DSG4: variants seen among roughly 807,000 people sequenced by gnomAD.
DSG4 encodes desmoglein-4.
DSG4 carries 87 observed loss-of-function variants against 93.1 expected under a neutral mutation model. The observed-to-expected ratio is 0.93, with a 90% confidence interval of 0.79 to 1.12. The LOEUF is 1.12. Among genes scored for constraint, DSG4 ranks in the 50% most tolerant of loss-of-function variants. DSG4 has a pLI of 0.00. For synonymous variants in DSG4, 432 were observed against 452.9 expected, an observed-to-expected ratio of 0.95 and a Z score of 0.59; for missense variants, 1,373 against 1,285.7, an observed-to-expected ratio of 1.07 and a Z score of -1.04.
intron 8 of DSG4, among the ~76,000 whole-genome samples, chr18:31,396,338 G>A (rs1052142741): frequency 1.5e-5 from 2 of 131,334 alleles, no homozygotes; most frequent in Non-Finnish European, 3.2e-5. Flanking sequence ...ACTCTCGGAA[G>A]AAAATAGGGT....
At chr18:31,390,299 A>G (rs2072233391) in intron 5 of DSG4, among the ~76,000 whole-genome samples, 1 of 152,294 alleles carries the variant, frequency 6.6e-6, no homozygotes, top group Admixed American at 6.5e-5. Flanking sequence ...TTTTTAAATG[A>G]TTTCACAAGA....
intron 14 of DSG4, 46 bp from the exon 15 acceptor site, chr18:31,411,185 C>T: frequency 1.2e-6 from 2 of 1,614,258 alleles, no homozygotes; most frequent in Non-Finnish European, 1.7e-6. Flanking sequence ...CAGATGCGCG[C>T]TGCAGGCAAC....
intron 11 of DSG4, 74 bp from the exon 12 acceptor site, chr18:31,406,003 T>A: frequency 6.4e-7 from 1 of 1,556,490 alleles, no homozygotes; most frequent in Non-Finnish European, 8.8e-7. Flanking sequence ...TATTTGGTAT[T>A]AGGGAGAGTT....
Position 31,390,961 on chromosome 18 carries a change from A to G in DSG4, c.685-117A>G, listed in dbSNP as rs1318392497. 5 of 1,509,822 alleles carry G rather than the reference A, an allele frequency of 3.3e-6. No individual in the cohort carries two copies. In the East Asian group the frequency reaches 9.8e-5, roughly 30 times the overall value. 93.5% of individuals were successfully genotyped at this position (1,509,822 alleles called of 1,614,324 possible). A position where few individuals can be genotyped will look rare whatever the true frequency, so the allele number is the denominator to read the frequency against. On this transcript the variant is annotated intron_variant, in intron 6 of 15. Transcript: ENST00000308128. ...ATTTTTAATAAAAATTAAAAGCTCA[A>G]TTATATAAATTTCATTGGATATGTA... is the stretch of plus-strand genomic sequence containing the variant.
intron 9 of DSG4, among the ~76,000 whole-genome samples, chr18:31,399,882 A>T (rs2072346626): frequency 1.3e-5 from 2 of 152,184 alleles, no homozygotes; most frequent in Non-Finnish European, 2.9e-5. Flanking sequence ...GTGGGCAATA[A>T]GTCACCATAA....
In DSG4 at chr18:31,409,566, T is replaced by C. The variant is rs757837115; in HGVS notation, c.2048T>C (p.Ile683Thr). Residue 683 changes from isoleucine (I) to threonine (T), a missense_variant, in exon 13 of 16, where the codon ATT becomes ACT. Ile to Thr is a moderately conservative substitution (Grantham distance 89). Coordinates refer to ENST00000308128, the MANE Select transcript of DSG4 (RefSeq NM_177986.5). ...GGEGVMQSWR[I>T]EGAHPEDRDV... is the part of the protein sequence containing the mutation. ...GAAGGAGTGATGCAGTCTTGGAGAA[T>C]TGAAGGGGCCCATCCCGAGGACAGG... 12 of 1,614,040 alleles carry C rather than the reference T, an allele frequency of 7.4e-6. No homozygotes were observed. The highest frequency in any genetic ancestry group is 4.5e-5 in the East Asian group (2 of 44,884).
At chr18:31,388,334 A>G (rs201790595) in intron 3 of DSG4, 33 bp from the exon 4 acceptor site, 7 of 1,611,198 alleles carry the variant, frequency 4.3e-6, no homozygotes, top group Non-Finnish European at 5.9e-6. Flanking sequence ...TCTGCTCTAA[A>G]CTGGATCACA....
intron 12 of DSG4, 118 bp downstream of exon 12, chr18:31,406,491 G>T (rs2072429174): frequency 2.6e-6 from 3 of 1,167,344 alleles, no homozygotes; most frequent in Admixed American, 1.8e-5. Context: ...AGCAATTTTT[G>T]AGTGCCTTAG....
chr18:31,409,808 G>A lies in DSG4; in HGVS notation c.2137G>A (p.Glu713Lys). 1 of 1,614,050 alleles carries A rather than the reference G, an allele frequency of 6.2e-7. No individual in the cohort carries two copies. The highest frequency in any genetic ancestry group is 1.3e-5 in the African/African-American group (1 of 75,012). The change falls in exon 14 of 16, where the codon GAA becomes AAA. Residue 713 changes from glutamate to lysine, a missense_variant and splice_region_variant. Glu to Lys is a moderately conservative substitution (Grantham distance 56). Transcript: ENST00000308128. ...SNTQDRMDSS[E>K]IYTNTYAAGG... ...TACCCAGGATCGGATGGATTCCTCT[G>A]GTCAGTAGACACCAAAATCTGTTTT...
chr18:31,392,890 G>A (rs1412569975), intron 8 of DSG4, among the ~76,000 whole-genome samples: 1 of 152,150 alleles, frequency 6.6e-6, no homozygotes, highest in Non-Finnish European at 1.5e-5. Flanking sequence ...GCTGTAGTGG[G>A]GCATCAAGTA....
intron 1 of DSG4, 90 bp downstream of exon 1, chr18:31,377,049 AT>A (rs2072085080): frequency 1.5e-6 from 2 of 1,349,342 alleles, no homozygotes; most frequent in South Asian, 2.5e-5. Context: ...GATTTATTCC[AT>A]TTTTAATCTC....
At chr18:31,407,686 T>A (rs1289304154) in intron 12 of DSG4, among the ~76,000 whole-genome samples, 1 of 152,206 alleles carries the variant, frequency 6.6e-6, no homozygotes, top group Non-Finnish European at 1.5e-5. Flanking sequence ...GGTGAGGATT[T>A]CTTTTTTGAA....
In DSG4 at chr18:31,389,007, A is replaced by G. The variant is rs1459468304; in HGVS notation, c.506A>G (p.Asn169Ser). 6.2e-7 allele frequency: 1 copy of G among 1,613,112 alleles called. No homozygotes were observed. Among genetic ancestry groups the G allele is most frequent in the Non-Finnish European group, 8.5e-7 (1 of 1,179,336 alleles). ...QSVYTASIEENSDANTLVVKL... is the reference protein window; with the variant it reads ...QSVYTASIEESSDANTLVVKL... ...GTATACACAGCCAGCATTGAAGAAA[A>G]TAGTGATGCCAGTAAGTAGAATGAC... is the stretch of plus-strand genomic sequence containing the variant. Residue 169 changes from asparagine to serine, a missense_variant, in exon 5 of 16, where the codon AAT becomes AGT. Asn to Ser is a conservative substitution (Grantham distance 46, BLOSUM62 1). Coordinates refer to ENST00000308128, the MANE Select transcript of DSG4 (RefSeq NM_177986.5).
At chr18:31,400,733 T>C (rs2072355766) in intron 9 of DSG4, 148 bp from the exon 10 acceptor site, 1 of 719,338 alleles carries the variant, frequency 1.4e-6, no homozygotes, top group South Asian at 2.0e-5. Context: ...TTTTTATTGA[T>C]ATATATGTAC....
At chr18:31,396,354 C>CTTT (rs71383035) in intron 8 of DSG4, among the ~76,000 whole-genome samples, 20 of 74,006 alleles carry the variant, frequency 2.7e-4, no homozygotes, top group African/African-American at 3.6e-4. Context: ...AGGGTCATTG[C>CTTT]TTTTTTTTTT....
intron 10 of DSG4, 86 bp from the exon 11 acceptor site, chr18:31,403,330 A>C: frequency 8.8e-7 from 1 of 1,141,480 alleles, no homozygotes; most frequent in South Asian, 1.3e-5. Flanking sequence ...GTTTCCTACA[A>C]GTTCCATGGC....
At chr18:31,400,773 A>T in intron 9 of DSG4, 108 bp from the exon 10 acceptor site, 1 of 1,177,990 alleles carries the variant, frequency 8.5e-7, no homozygotes, top group Non-Finnish European at 1.2e-6. Context: ...TCATCACTAT[A>T]AAACATAAAA....
chr18:31,391,005 T>C, intron 6 of DSG4, 73 bp from the exon 7 acceptor site: 1 of 1,588,200 alleles, frequency 6.3e-7, no homozygotes. Flanking sequence ...AGTAGAGAAA[T>C]AATGGCATTG....
intron 8 of DSG4, among the ~76,000 whole-genome samples, chr18:31,392,874 C>A (rs80098010): frequency 6.6e-6 from 1 of 152,088 alleles, no homozygotes; most frequent in Admixed American, 6.6e-5. Context: ...TGAGCAACCC[C>A]GTGGGGCTGT....
Sources: allele counts gnomAD v4.1 joint callset (sites outside exome capture counted in the v4.1 genomes callset), GRCh38; gene constraint gnomAD v4.1.1; transcripts MANE v1.5; gene names NCBI Gene and HGNC (gene_info 2026-07-23, HGNC 2026-07-21).